MARCHF1: variants seen among roughly 807,000 people sequenced by gnomAD.
The protein encoded by MARCHF1 is membrane associated ring-CH-type finger 1.
A neutral mutation model predicts 54.2 loss-of-function variants in MARCHF1; 40 were observed. The observed-to-expected ratio is 0.74, with a 90% confidence interval of 0.57 to 0.96. The LOEUF is 0.96. MARCHF1 is among the 40% of genes least tolerant of loss of function. MARCHF1 has a pLI of 0.00. For missense variants in MARCHF1, 586 were observed against 656.5 expected (o/e 0.89, Z 1.17); for synonymous variants, 236 against 236.3 (o/e 1.00, Z 0.01).
intron 3 of MARCHF1, among the ~76,000 whole-genome samples, chr4:163,904,762 A>AC (rs61514399): frequency 6.6e-5 from 10 of 151,650 alleles, no homozygotes; most frequent in Non-Finnish European, 8.8e-5. Flanking sequence ...CAGGAGAGAG[A>AC]AAGAGACAGA....
intron 3 of MARCHF1, chr4:163,932,955 G>C: frequency 1.4e-6 from 1 of 693,132 alleles, no homozygotes; most frequent in Admixed American, 1.8e-5. Context: ...TAATTCCCAA[G>C]GAGCTTACCA....
At chr4:164,004,095 T>C (rs895282353) in intron 2 of MARCHF1, among the ~76,000 whole-genome samples, 5 of 151,902 alleles carry the variant, frequency 3.3e-5, no homozygotes, top group African/African-American at 1.2e-4. Context: ...TGAGAAAACA[T>C]GGACACAGGA....
At chr4:163,606,793 G>A (rs1038956894) in intron 7 of MARCHF1, among the ~76,000 whole-genome samples, 13 of 152,012 alleles carry the variant, frequency 8.6e-5, no homozygotes, top group African/African-American at 3.1e-4. Context: ...AGGGGTTGCC[G>A]ATGGCTACAT....
chr4:163,687,428 A>C (rs1166402666), intron 5 of MARCHF1, among the ~76,000 whole-genome samples: 1 of 152,168 alleles, frequency 6.6e-6, no homozygotes, highest in Non-Finnish European at 1.5e-5. Flanking sequence ...GGGTTTCACC[A>C]TGTTGGCCAG....
chr4:163,570,938 T>C (rs1033064516), intron 8 of MARCHF1, among the ~76,000 whole-genome samples: 2 of 152,096 alleles, frequency 1.3e-5, no homozygotes, highest in Non-Finnish European at 2.9e-5. Context: ...TTATTACCTA[T>C]CTGGTTCCTG....
chr4:163,789,276 T>C (rs1040183151), intron 4 of MARCHF1, among the ~76,000 whole-genome samples: 2 of 152,030 alleles, frequency 1.3e-5, no homozygotes, highest in African/African-American at 4.8e-5. Context: ...TTGTAAAATA[T>C]TTAAAATAAC....
chr4:163,826,603 C>A (rs1194602853), intron 4 of MARCHF1, among the ~76,000 whole-genome samples: 2 of 151,792 alleles, frequency 1.3e-5, no homozygotes, highest in Non-Finnish European at 2.9e-5. Flanking sequence ...TTAGCAAAAC[C>A]AACATACACT....
intron 1 of MARCHF1, among the ~76,000 whole-genome samples, chr4:164,160,087 TTA>T (rs1354251288): frequency 1.3e-5 from 2 of 152,216 alleles, no homozygotes; most frequent in African/African-American, 4.8e-5. Context: ...AGTGTTAATT[TTA>T]TTAGCTGCCC....
At chr4:163,937,521 T>G (rs1341212572) in intron 3 of MARCHF1, among the ~76,000 whole-genome samples, 1 of 151,330 alleles carries the variant, frequency 6.6e-6, no homozygotes, top group Non-Finnish European at 1.5e-5. Context: ...AATATATACA[T>G]ATATATAACA....
At chr4:164,085,302 A>C (rs114151420) in intron 2 of MARCHF1, among the ~76,000 whole-genome samples, 3,575 of 151,888 alleles carry the variant, frequency 0.024, 52 homozygotes, top group Non-Finnish European at 0.039. Flanking sequence ...TAAACCAAAA[A>C]TATTAGTTTT....
intron 4 of MARCHF1, among the ~76,000 whole-genome samples, chr4:163,723,002 G>T (rs964710237): frequency 2.7e-4 from 41 of 152,204 alleles, no homozygotes; most frequent in East Asian, 5.8e-4. Context: ...TGTCTTTTAA[G>T]TGGAGCATTT....
intron 1 of MARCHF1, among the ~76,000 whole-genome samples, chr4:164,381,409 G>C (rs1400668786): frequency 6.6e-6 from 1 of 152,080 alleles, no homozygotes; most frequent in East Asian, 1.9e-4. Context: ...CAGTATTCTA[G>C]TGGAATGTGA....
At chr4:163,678,347 C>A (rs958897701) in intron 5 of MARCHF1, among the ~76,000 whole-genome samples, 1 of 152,204 alleles carries the variant, frequency 6.6e-6, no homozygotes, top group Non-Finnish European at 1.5e-5. Flanking sequence ...CTGCCTCTTG[C>A]ATAGAATTAA....
At chr4:164,140,403 T>A (rs1484318606) in intron 1 of MARCHF1, among the ~76,000 whole-genome samples, 1 of 151,926 alleles carries the variant, frequency 6.6e-6, no homozygotes, top group Non-Finnish European at 1.5e-5. Context: ...CCAATAGGCC[T>A]CCCAGATAGT....
At chr4:163,822,233 T>C (rs547999861) in intron 4 of MARCHF1, among the ~76,000 whole-genome samples, 14 of 152,008 alleles carry the variant, frequency 9.2e-5, no homozygotes, top group African/African-American at 3.1e-4. Flanking sequence ...GCACATTGGA[T>C]CACATAATTC....
intron 1 of MARCHF1, among the ~76,000 whole-genome samples, chr4:164,254,286 T>C (rs1733205755): frequency 6.7e-6 from 1 of 149,884 alleles, no homozygotes; most frequent in Admixed American, 6.7e-5. Flanking sequence ...TTCGTCAGGT[T>C]TCTCTTAAAG....
chr4:164,139,774 T>C (rs1032963062), intron 1 of MARCHF1, among the ~76,000 whole-genome samples: 7 of 152,190 alleles, frequency 4.6e-5, no homozygotes, highest in Admixed American at 1.3e-4. Flanking sequence ...AAGAATGCTA[T>C]ATAAAACATG....
At chr4:163,949,296 C>T (rs954617625) in intron 3 of MARCHF1, among the ~76,000 whole-genome samples, 18 of 152,298 alleles carry the variant, frequency 1.2e-4, no homozygotes, top group African/African-American at 3.1e-4. Flanking sequence ...GCACTGCAAA[C>T]GGCTTCCACG....
At chr4:164,224,320 C>T (rs553789044) in intron 1 of MARCHF1, among the ~76,000 whole-genome samples, 5 of 151,696 alleles carry the variant, frequency 3.3e-5, no homozygotes, top group African/African-American at 7.3e-5. Context: ...GACAATTCTT[C>T]GTCTTCCAAT....
Sources: gnomAD v4.1 joint callset for allele counts (sites outside exome capture counted in the v4.1 genomes callset) on GRCh38, gnomAD v4.1.1 for gene constraint, MANE v1.5 for transcripts, NCBI Gene and HGNC (gene_info 2026-07-23, HGNC 2026-07-21) for gene names.